The following SERINC5 variants were observed in gnomAD, a reference collection of about 807,000 sequenced individuals.
The protein encoded by SERINC5 is serine incorporator 5, also known as chromosome 5 open reading frame 12.
Under a neutral mutation model 63.1 loss-of-function variants are expected in SERINC5, and 41 were observed. The ratio of observed to expected loss-of-function variants is 0.65; its 90% CI spans 0.51 to 0.84. The LOEUF (loss-of-function observed/expected upper bound fraction) is 0.84, where lower values mean the gene tolerates loss of function less well. SERINC5 is among the 40% of genes least tolerant of loss of function. The pLI is 0.00. For missense variants in SERINC5, 523 were observed against 573.0 expected (o/e 0.91, Z 0.89); for synonymous variants, 222 against 215.2 (o/e 1.03, Z -0.28).
rs192579577 is a variant in SERINC5, at chr5:80,236,542, T to C, written c.27+19354A>G. ...AGTCCTAAATCTTTTTTTTTTTTTTTTCTTGAGACAGATTCTCGCTCTGTT... is the reference window on the plus strand; with the variant it reads ...AGTCCTAAATCTTTTTTTTTTTTTTCTCTTGAGACAGATTCTCGCTCTGTT... On this transcript the variant is annotated intron_variant, in intron 1 of 11. Transcript: ENST00000507668. Among the ~76,000 whole-genome samples the C allele has an allele frequency of 2.1e-3, 313 of 152,162 alleles. 8 individuals carry two copies. In the East Asian group the frequency reaches 0.054, roughly 26 times the overall value.
chr5:80,116,226 C>A (rs1251615311), intron 11 of SERINC5: 6 of 446,844 alleles, frequency 1.3e-5, no homozygotes, highest in Non-Finnish European at 2.2e-5. Context: ...AATGCTAAAA[C>A]CAGGCTTTCC....
intron 7 of SERINC5, among the ~76,000 whole-genome samples, chr5:80,161,385 C>CCA (rs148752527): frequency 0.079 from 12,035 of 152,080 alleles, 1,614 homozygotes; most frequent in African/African-American, 0.27. Flanking sequence ...TTAATAATAG[C>CCA]CACTCTGACT....
chr5:80,152,240 C>A (rs912246507), intron 8 of SERINC5, among the ~76,000 whole-genome samples: 1 of 152,146 alleles, frequency 6.6e-6, no homozygotes, highest in Admixed American at 6.5e-5. Flanking sequence ...GTGGCTCACA[C>A]CTGTAATCTC....
chr5:80,193,702 TAGTTCAAATTGCTGCC>T (rs1417622817), intron 2 of SERINC5, among the ~76,000 whole-genome samples: 25 of 152,288 alleles, frequency 1.6e-4, no homozygotes, highest in African/African-American at 5.8e-4. Context: ...GAATATCCAT[TAGTTCAAATTGCTGCC>T]TCCAGTACAA....
At chr5:80,129,624 A>AT (rs559236809) in intron 11 of SERINC5, among the ~76,000 whole-genome samples, 146 of 152,248 alleles carry the variant, frequency 9.6e-4, no homozygotes, top group African/African-American at 3.4e-3. Flanking sequence ...TGTCTAAATT[A>AT]TTTTTTACAA....
chr5:80,158,333 A>T (rs1746667769), intron 8 of SERINC5: 1 of 153,274 alleles, frequency 6.5e-6, no homozygotes, highest in Non-Finnish European at 1.5e-5. Flanking sequence ...TTTAGCAGAA[A>T]AGAGAATGAA....
intron 11 of SERINC5, chr5:80,128,544 TG>T (rs1365071672): frequency 1.3e-5 from 2 of 151,956 alleles, no homozygotes; most frequent in African/African-American, 4.8e-5. Flanking sequence ...GAAGATCTTG[TG>T]GGGAGGGGAG....
downstream of SERINC5, among the ~76,000 whole-genome samples, chr5:80,134,053 T>C (rs1745054230): frequency 6.6e-6 from 1 of 152,222 alleles, no homozygotes; most frequent in Non-Finnish European, 1.5e-5. Flanking sequence ...TTTAGAATCT[T>C]GCCACCTCCA....
chr5:80,166,024 T>C (rs897863708), intron 7 of SERINC5, among the ~76,000 whole-genome samples: 1 of 152,230 alleles, frequency 6.6e-6, no homozygotes, highest in African/African-American at 2.4e-5. Flanking sequence ...GATGTTTTAA[T>C]ACAGGTGTGA....
chr5:80,242,440 A>G, intron 1 of SERINC5, among the ~76,000 whole-genome samples: 1 of 152,208 alleles, frequency 6.6e-6, no homozygotes, highest in East Asian at 1.9e-4. Flanking sequence ...CAACATGGCG[A>G]AATCCCATTT....
chr5:80,178,844 T>C (rs995164744), intron 2 of SERINC5, among the ~76,000 whole-genome samples: 7 of 152,044 alleles, frequency 4.6e-5, no homozygotes, highest in African/African-American at 1.7e-4. Flanking sequence ...TTCACATACA[T>C]AAATGTGTGT....
chr5:80,249,785 A>G (rs1752323393), intron 1 of SERINC5, among the ~76,000 whole-genome samples: 1 of 152,130 alleles, frequency 6.6e-6, no homozygotes. Context: ...CTCGGCAACA[A>G]GAGCGAAAAC....
chr5:80,159,007 A>G, intron 7 of SERINC5, 45 bp from the exon 8 acceptor site: 2 of 1,607,942 alleles, frequency 1.2e-6, no homozygotes, highest in Non-Finnish European at 1.7e-6. Flanking sequence ...TACAAAGGCC[A>G]GTTGTAACGC....
At chr5:80,213,306 T>G (rs1222951255) in intron 1 of SERINC5, among the ~76,000 whole-genome samples, 1 of 152,074 alleles carries the variant, frequency 6.6e-6, no homozygotes, top group African/African-American at 2.4e-5. Flanking sequence ...TTAGCAATAG[T>G]TAACACTTAT....
chr5:80,176,745 T>C (rs888148032), intron 4 of SERINC5, among the ~76,000 whole-genome samples: 1 of 152,160 alleles, frequency 6.6e-6, no homozygotes, highest in East Asian at 1.9e-4. Flanking sequence ...CCTAAATGTT[T>C]TTAATACCTT....
At chr5:80,184,086 TACACC>T (rs1248496781) in intron 2 of SERINC5, among the ~76,000 whole-genome samples, 1 of 152,158 alleles carries the variant, frequency 6.6e-6, no homozygotes, top group Non-Finnish European at 1.5e-5. Flanking sequence ...AAACAAAAGT[TACACC>T]TGTATGAGTA....
rs1307981763 is a variant in SERINC5, at chr5:80,229,052, G to GGGGGGGGGC, written c.28-26000_28-25999insGCCCCCCCC. ...TTTTTTTTTTTTTTTTTTTTTTTTG[G>GGGGGGGGGC]GGATGGAGTTGCCTAGGCTGGAGTG... On this transcript the variant is annotated intron_variant, in intron 1 of 11. Coordinates refer to ENST00000507668, the MANE Select transcript of SERINC5 (RefSeq NM_001174072.3). Among the ~76,000 whole-genome samples the GGGGGGGGGC allele has an allele frequency of 8.4e-3, 542 of 64,786 alleles. 64 individuals are homozygous for GGGGGGGGGC. The Middle Eastern group carries it at 0.13, about 16-fold the overall frequency. 42.5% of individuals were successfully genotyped at this position (64,786 alleles called of 152,430 possible).
chr5:80,214,534 T>A (rs1249328628), intron 1 of SERINC5, among the ~76,000 whole-genome samples: 1 of 148,520 alleles, frequency 6.7e-6, no homozygotes, highest in African/African-American at 2.5e-5. Flanking sequence ...GAGTGAACTA[T>A]CACCATAATT....
In SERINC5 at chr5:80,139,846, T is replaced by G. The variant is rs1199076690; in HGVS notation, c.*3817A>C. The G allele has an allele frequency of 1.0e-6, 1 of 985,226 alleles. No individual in the cohort carries two copies. Among genetic ancestry groups the G allele is most frequent in the Non-Finnish European group, 1.2e-6 (1 of 829,934 alleles). The allele number at this position is 985,226 out of a possible 1,614,324, so 61.0% of individuals were successfully genotyped here. On this transcript the variant is annotated 3_prime_UTR_variant, in exon 12 of 12. Coordinates refer to ENST00000507668, the MANE Select transcript of SERINC5 (RefSeq NM_001174072.3). The stretch of plus-strand genomic sequence containing the variant: ...TAGTTCAAGGTTTGTCCCTTCTTAG[T>G]TGTAGGTTGGGCCCTCTTTCGTTTC...
Sources: allele counts gnomAD v4.1 joint callset (sites outside exome capture counted in the v4.1 genomes callset), GRCh38; gene constraint gnomAD v4.1.1; transcripts MANE v1.5; gene names NCBI Gene and HGNC (gene_info 2026-07-23, HGNC 2026-07-21).